The following ACTL8 variants were observed in gnomAD, a reference collection of about 807,000 sequenced individuals.
The protein encoded by ACTL8 is actin-like protein 8.
A neutral mutation model predicts 9.3 loss-of-function variants in ACTL8; 3 were observed. That is an observed-to-expected ratio of 0.32 (90% confidence interval 0.15 to 0.83). The LOEUF (loss-of-function observed/expected upper bound fraction) is 0.83. Among genes scored for constraint, ACTL8 ranks in the 40% least tolerant of loss-of-function variants. ACTL8 has a pLI of 0.57. For synonymous variants in ACTL8, 224 were observed against 205.9 expected, an observed-to-expected ratio of 1.09 and a Z score of -0.75; for missense variants, 381 against 492.2, an observed-to-expected ratio of 0.77 and a Z score of 2.14.
At position 17,826,712 on chromosome 1, in the gene ACTL8, A is replaced by T; in HGVS notation, c.*193A>T. ...CAAGAGTGGGACCTACCCAAGGGGG[A>T]AGACAAGATGTCATCCTTGGAAACC... On this transcript the variant is annotated 3_prime_UTR_variant, in exon 3 of 3. Coordinates refer to ENST00000375406, the MANE Select transcript of ACTL8 (RefSeq NM_030812.3). The surrounding 1 kb of genome is among the most constrained non-coding windows in gnomAD (Gnocchi z 4.5). 2.0e-6 allele frequency: 1 copy of T among 501,038 alleles called. No homozygotes were observed. Among genetic ancestry groups the T allele is most frequent in the South Asian group, 6.9e-5 (1 of 14,588 alleles). The allele number at this position is 501,038 out of a possible 1,614,324, so 31.0% of individuals were successfully genotyped here. A position where few individuals can be genotyped will look rare whatever the true frequency, so the allele number is the denominator to read the frequency against.
chr1:17,821,371 C>T (rs2124193326), intron 1 of ACTL8, among the ~76,000 whole-genome samples: 1 of 152,228 alleles, frequency 6.6e-6, no homozygotes, highest in Non-Finnish European at 1.5e-5. Flanking sequence ...CCTAGGTGTT[C>T]TTTTAGAAGT....
intron 1 of ACTL8, among the ~76,000 whole-genome samples, chr1:17,792,001 C>T (rs572864310): frequency 7.2e-5 from 11 of 152,192 alleles, no homozygotes; most frequent in Non-Finnish European, 1.2e-4. Context: ...TCCTGCCCCC[C>T]CTCATCAACC....
intron 2 of ACTL8, 71 bp from the exon 3 acceptor site, chr1:17,825,696 G>A: frequency 3.2e-6 from 5 of 1,551,042 alleles, no homozygotes; most frequent in Non-Finnish European, 4.3e-6. Context: ...ATGGGGCTCT[G>A]TGCTGACTTC....
chr1:17,795,515 G>A (rs961854654), intron 1 of ACTL8, among the ~76,000 whole-genome samples: 1 of 152,164 alleles, frequency 6.6e-6, no homozygotes, highest in African/African-American at 2.4e-5. Context: ...CCTTCCCTCT[G>A]TTACTTGGGT....
rs374212477 is a variant in ACTL8, at chr1:17,755,369, G to C, written c.-160G>C. ...TGCGGCACCACGTGCAGCCGCTCTCGTGCAGGCGTTTGCAGTGTGCAGCTG... is the reference window on the plus strand; with the variant it reads ...TGCGGCACCACGTGCAGCCGCTCTCCTGCAGGCGTTTGCAGTGTGCAGCTG... On this transcript the variant is annotated 5_prime_UTR_variant, in exon 1 of 3. Coordinates refer to ENST00000375406, the MANE Select transcript of ACTL8 (RefSeq NM_030812.3). 3 of 152,300 alleles carry C rather than the reference G, an allele frequency of 2.0e-5. No homozygotes were observed. The highest frequency in any genetic ancestry group is 4.4e-5 in the Non-Finnish European group (3 of 68,020). 9.4% of individuals were successfully genotyped at this position (152,300 alleles called of 1,614,324 possible).
chr1:17,764,623 G>A (rs897031084), intron 1 of ACTL8, among the ~76,000 whole-genome samples: 3 of 151,920 alleles, frequency 2.0e-5, no homozygotes, highest in East Asian at 1.9e-4. Flanking sequence ...GTTCAGCCTC[G>A]TCCTCCTTGT....
At chr1:17,795,318 G>A (rs573860465) in intron 1 of ACTL8, among the ~76,000 whole-genome samples, 28 of 152,300 alleles carry the variant, frequency 1.8e-4, no homozygotes, top group African/African-American at 6.0e-4. Flanking sequence ...TTTCAGGACC[G>A]GCCTAGCTTC....
intron 1 of ACTL8, among the ~76,000 whole-genome samples, chr1:17,806,527 G>C (rs1207399578): frequency 6.6e-6 from 1 of 152,222 alleles, no homozygotes; most frequent in Non-Finnish European, 1.5e-5. Context: ...CTGCTGCTGG[G>C]AGTGGGACTT....
intron 1 of ACTL8, among the ~76,000 whole-genome samples, chr1:17,759,890 C>T (rs2065990081): frequency 6.6e-6 from 1 of 152,134 alleles, no homozygotes; most frequent in African/African-American, 2.4e-5. Context: ...TTCAGAGTTC[C>T]CTTTACTTTC....
chr1:17,813,816 T>C (rs1005928643), intron 1 of ACTL8, among the ~76,000 whole-genome samples: 3 of 152,218 alleles, frequency 2.0e-5, no homozygotes, highest in Admixed American at 2.0e-4. Context: ...TATTTAAATA[T>C]ATATTTCTTC....
intron 1 of ACTL8, among the ~76,000 whole-genome samples, chr1:17,759,323 G>C (rs1200377773): frequency 1.3e-5 from 2 of 152,236 alleles, no homozygotes; most frequent in African/African-American, 4.8e-5. Flanking sequence ...TGGTTGCCAC[G>C]TGCTCACAGG....
rs575057899 is a variant in ACTL8 at position 17,762,737 on chromosome 1, G to C, written c.-25+7233G>C. 1.6e-4 allele frequency among the ~76,000 whole-genome samples: 25 copies of C among 152,222 alleles called. No individual in the cohort carries two copies. In the South Asian group the frequency reaches 2.9e-3, roughly 18 times the overall value. On this transcript the variant is annotated intron_variant, in intron 1 of 2. Transcript: ENST00000375406. ...AGCTTCTCTGGTCAGGTTGTGGCCT[G>C]TGTGGGTGGTCTTCTCCTTGGTGCC... is the stretch of plus-strand genomic sequence containing the variant.
intron 1 of ACTL8, among the ~76,000 whole-genome samples, chr1:17,814,346 C>T (rs2066411009): frequency 6.6e-6 from 1 of 152,176 alleles, no homozygotes; most frequent in Non-Finnish European, 1.5e-5. Flanking sequence ...CAAAACAAAA[C>T]AATACATACA....
In ACTL8 at chr1:17,823,384, TC is replaced by T; in HGVS notation, c.348+29del. On this transcript the variant is annotated intron_variant, in intron 2 of 2. Transcript: ENST00000375406. The surrounding 1 kb of genome is among the most constrained non-coding windows in gnomAD (Gnocchi z 5.3). ...GAGGCCTGCCGGGGCCTGCTCCCAC[TC>T]GGGAGCGGGAAACAGACTGACACTA... is the stretch of plus-strand genomic sequence containing the variant. 6.3e-7 allele frequency: 1 copy of T among 1,579,260 alleles called. No homozygotes were observed. The highest frequency in any genetic ancestry group is 8.6e-7 in the Non-Finnish European group (1 of 1,158,974).
intron 1 of ACTL8, among the ~76,000 whole-genome samples, chr1:17,807,918 AC>A (rs1273295009): frequency 1.1e-4 from 16 of 152,142 alleles, no homozygotes; most frequent in Non-Finnish European, 1.9e-4. Context: ...GGTGCAGCAA[AC>A]TACCATGGCA....
intron 2 of ACTL8, among the ~76,000 whole-genome samples, chr1:17,825,463 A>C (rs1445974853): frequency 6.6e-6 from 1 of 152,074 alleles, no homozygotes; most frequent in Non-Finnish European, 1.5e-5. Context: ...ACCCGTGGCC[A>C]TGTTGCTCCT....
chr1:17,775,718 T>G (rs751190148), intron 1 of ACTL8, among the ~76,000 whole-genome samples: 13 of 152,212 alleles, frequency 8.5e-5, no homozygotes, highest in Non-Finnish European at 1.5e-4. Context: ...TTGGCTTGAC[T>G]CCACTCCAGG....
chr1:17,808,142 G>A (rs2066370721), intron 1 of ACTL8, among the ~76,000 whole-genome samples: 1 of 152,188 alleles, frequency 6.6e-6, no homozygotes, highest in African/African-American at 2.4e-5. Flanking sequence ...CTTGCAAGAT[G>A]TTTACAATCA....
chr1:17,755,947 G>T (rs950270322), intron 1 of ACTL8, among the ~76,000 whole-genome samples: 6 of 151,868 alleles, frequency 4.0e-5, no homozygotes, highest in South Asian at 2.1e-4. Flanking sequence ...GTCCTGGGGT[G>T]GGGGGCTGTT....
Sources: gnomAD v4.1 joint callset for allele counts (sites outside exome capture counted in the v4.1 genomes callset) on GRCh38, gnomAD v4.1.1 for gene constraint, Gnocchi (gnomAD v3.1) non-coding constraint, MANE v1.5 for transcripts, NCBI Gene and HGNC (gene_info 2026-07-23, HGNC 2026-07-21) for gene names.